SOX6: variants seen among roughly 807,000 people sequenced by gnomAD.
The protein encoded by SOX6 is transcription factor SOX-6.
SOX6 carries 11 observed loss-of-function variants against 97.8 expected under a neutral mutation model. The observed-to-expected ratio is 0.11, with a 90% CI of 0.07 to 0.19. The LOEUF is 0.19. Among genes scored for constraint, SOX6 ranks in the 10% least tolerant of loss-of-function variants. The pLI is 1.00. For synonymous variants in SOX6, 360 were observed against 371.4 expected, an observed-to-expected ratio of 0.97 and a Z score of 0.35; for missense variants, 810 against 1,039.5, an observed-to-expected ratio of 0.78 and a Z score of 3.04.
At chr11:16,362,554 G>C (rs574637716) in intron 1 of SOX6, among the ~76,000 whole-genome samples, 78 of 152,076 alleles carry the variant, frequency 5.1e-4, no homozygotes, top group African/African-American at 1.8e-3. Context: ...AGAACAGCAA[G>C]ATAATTCTCT....
intron 4 of SOX6, among the ~76,000 whole-genome samples, chr11:16,215,158 T>C (rs1852338430): frequency 6.6e-6 from 1 of 152,204 alleles, no homozygotes; most frequent in Non-Finnish European, 1.5e-5. Flanking sequence ...TCATGAGTAC[T>C]AGCTATTTCA....
intron 2 of SOX6, among the ~76,000 whole-genome samples, chr11:16,719,555 G>C (rs1848243766): frequency 6.6e-6 from 1 of 152,160 alleles, no homozygotes; most frequent in Non-Finnish European, 1.5e-5. Flanking sequence ...ACCTAGAAAT[G>C]TTTAGTAAAG....
At chr11:16,003,163 G>A (rs181843449) in intron 13 of SOX6, among the ~76,000 whole-genome samples, 47 of 152,032 alleles carry the variant, frequency 3.1e-4, no homozygotes, top group Admixed American at 2.5e-3. Context: ...ATGGCTTTCC[G>A]TGACCTGGCC....
chr11:16,370,324 T>C (rs887247096), intron 1 of SOX6, among the ~76,000 whole-genome samples: 2 of 152,152 alleles, frequency 1.3e-5, no homozygotes, highest in African/African-American at 4.8e-5. Flanking sequence ...TCCCAAGTAT[T>C]TGAACAACTT....
At chr11:16,415,305 T>C (rs572931783) in intron 1 of SOX6, among the ~76,000 whole-genome samples, 1 of 151,026 alleles carries the variant, frequency 6.6e-6, no homozygotes, top group South Asian at 2.1e-4. Flanking sequence ...ATACTACATA[T>C]TCTCATTCTT....
chr11:16,278,246 T>C (rs148930262), intron 3 of SOX6, among the ~76,000 whole-genome samples: 252 of 152,330 alleles, frequency 1.7e-3, no homozygotes, highest in Non-Finnish European at 2.4e-3. Flanking sequence ...TGCAGTTTAT[T>C]CTGGGTAACT....
At chr11:16,277,898 C>T (rs1021384637) in intron 3 of SOX6, among the ~76,000 whole-genome samples, 6 of 152,216 alleles carry the variant, frequency 3.9e-5, no homozygotes, top group African/African-American at 9.6e-5. Context: ...TTGGTTAGGC[C>T]AATTTTATCA....
intron 3 of SOX6, among the ~76,000 whole-genome samples, chr11:16,704,021 T>G (rs1279196375): frequency 6.6e-6 from 1 of 152,196 alleles, no homozygotes. Context: ...AACTCCAAAT[T>G]AGTTACATAA....
upstream of SOX6, among the ~76,000 whole-genome samples, chr11:16,358,118 T>C (rs1273716498): frequency 6.6e-6 from 1 of 152,126 alleles, no homozygotes; most frequent in African/African-American, 2.4e-5. Context: ...AATGTATACA[T>C]AAAAAGCTGA....
chr11:16,030,627 A>G lies in SOX6; in HGVS notation c.1624-15577T>C, dbSNP rs543054532. On this transcript the variant is annotated intron_variant, in intron 12 of 15. Coordinates refer to ENST00000683767, the MANE Select transcript of SOX6 (RefSeq NM_001367873.1). ...AAAACCATATGAAATTCACTAACTCATAGTGTTTTGATCTCATTGTATTAT... is the reference window on the plus strand; with the variant it reads ...AAAACCATATGAAATTCACTAACTCGTAGTGTTTTGATCTCATTGTATTAT... 7.2e-5 allele frequency among the ~76,000 whole-genome samples: 11 copies of G among 152,272 alleles called. No individual in the cohort carries two copies. The South Asian group carries it at 2.3e-3, about 32-fold the overall frequency.
chr11:16,603,362 G>A (rs1035597710), intron 4 of SOX6, among the ~76,000 whole-genome samples: 1 of 152,202 alleles, frequency 6.6e-6, no homozygotes, highest in African/African-American at 2.4e-5. Flanking sequence ...GGTACTTACT[G>A]CTCCTAAGAA....
chr11:16,173,378 AG>A (rs1306576367), intron 6 of SOX6, among the ~76,000 whole-genome samples: 1 of 151,806 alleles, frequency 6.6e-6, no homozygotes, highest in Non-Finnish European at 1.5e-5. Flanking sequence ...CCATAGAAGA[AG>A]TAACCTAAGC....
intron 1 of SOX6, among the ~76,000 whole-genome samples, chr11:16,387,723 T>C (rs755068740): frequency 1.3e-5 from 2 of 152,144 alleles, no homozygotes; most frequent in Non-Finnish European, 1.5e-5. Context: ...TATAAATGAA[T>C]GCTGCCAATA....
rs1442532996 is a variant in SOX6, at chr11:15,969,343, G to T, written c.*3466C>A. The T allele has an allele frequency of 6.6e-6, 1 of 152,024 alleles. No individual in the cohort carries two copies. Among genetic ancestry groups the T allele is most frequent in the Non-Finnish European group, 1.5e-5 (1 of 67,992 alleles). 9.4% of individuals were successfully genotyped at this position (152,024 alleles called of 1,614,324 possible). A position where few individuals can be genotyped will look rare whatever the true frequency, so the allele number is the denominator to read the frequency against. ...GCATTCATGCTTCTTGCTATTAAAT[G>T]GTCACAGAACTATCTTAGAAGATTT... On this transcript the variant is annotated 3_prime_UTR_variant, in exon 16 of 16. Coordinates refer to ENST00000683767, the MANE Select transcript of SOX6 (RefSeq NM_001367873.1).
At chr11:16,146,837 A>G (rs1431579792) in intron 6 of SOX6, among the ~76,000 whole-genome samples, 1 of 152,212 alleles carries the variant, frequency 6.6e-6, no homozygotes, top group Non-Finnish European at 1.5e-5. Context: ...GGTGATCATT[A>G]AAAAGTCAGG....
rs530380517 is a variant in SOX6 at position 16,406,277 on chromosome 11, A to T, written c.-4-65025T>A. On this transcript the variant is annotated intron_variant, in intron 1 of 15. Coordinates refer to the SOX6 transcript ENST00000396356. Reference sequence around the variant, plus strand: ...TGTCCTGTGGACTTGTTTGAAAAGGAGGATTATTTGAGGTTGTATCAACTA... The same window carrying T: ...TGTCCTGTGGACTTGTTTGAAAAGGTGGATTATTTGAGGTTGTATCAACTA... Among the ~76,000 whole-genome samples the T allele has an allele frequency of 1.0e-3, 159 of 152,194 alleles. 1 individual carries two copies. Among genetic ancestry groups the T allele is most frequent in the South Asian group, 7.7e-3 (37 of 4,830 alleles).
intron 4 of SOX6, among the ~76,000 whole-genome samples, chr11:16,527,126 A>T (rs1243220726): frequency 6.6e-6 from 1 of 152,070 alleles, no homozygotes; most frequent in Non-Finnish European, 1.5e-5. Context: ...CTGGCATCTC[A>T]GTTACTTTAA....
intron 3 of SOX6, among the ~76,000 whole-genome samples, chr11:16,712,047 T>C (rs1272717701): frequency 6.6e-6 from 1 of 151,116 alleles, no homozygotes; most frequent in East Asian, 1.9e-4. Context: ...TGCTGTTAAT[T>C]CATTCCTTTT....
intron 13 of SOX6, among the ~76,000 whole-genome samples, chr11:15,992,002 T>C (rs1011079081): frequency 1.3e-5 from 2 of 152,170 alleles, no homozygotes; most frequent in African/African-American, 4.8e-5. Context: ...CTACATCACA[T>C]ATTATCTTCA....
Sources: allele counts gnomAD v4.1 joint callset (sites outside exome capture counted in the v4.1 genomes callset), GRCh38; gene constraint gnomAD v4.1.1; transcripts MANE v1.5; gene names NCBI Gene and HGNC (gene_info 2026-07-23, HGNC 2026-07-21).